The following DOK6 variants were observed in gnomAD, a reference collection of about 807,000 sequenced individuals.
DOK6 encodes the protein docking protein 6.
In DOK6, 22 loss-of-function variants were observed where a neutral mutation model predicts 44.0. That is an observed-to-expected ratio of 0.50 (90% CI 0.36 to 0.71). The LOEUF (loss-of-function observed/expected upper bound fraction) is 0.71. Among genes scored for constraint, DOK6 ranks in the 30% least tolerant of loss-of-function variants. The pLI is 0.00. For synonymous variants in DOK6, 166 were observed against 145.5 expected, an observed-to-expected ratio of 1.14 and a Z score of -1.01; for missense variants, 340 against 416.4, an observed-to-expected ratio of 0.82 and a Z score of 1.60.
At chr18:69,819,142 C>A (rs947504086) in intron 7 of DOK6, among the ~76,000 whole-genome samples, 4 of 152,140 alleles carry the variant, frequency 2.6e-5, no homozygotes, top group Non-Finnish European at 5.9e-5. Flanking sequence ...AGAGTAAACT[C>A]TTTTTCTATT....
At chr18:69,407,327 T>C (rs1442267863) in intron 1 of DOK6, among the ~76,000 whole-genome samples, 1 of 152,202 alleles carries the variant, frequency 6.6e-6, no homozygotes, top group African/African-American at 2.4e-5. Flanking sequence ...AAAGATAATC[T>C]CTAGATTCAC....
rs201544676 is a variant in DOK6, at chr18:69,841,361, A to C, written c.974A>C (p.Tyr325Ser). 3.7e-6 allele frequency: 6 copies of C among 1,614,064 alleles called. No individual in the cohort carries two copies. Among genetic ancestry groups the C allele is most frequent in the African/African-American group, 2.7e-5 (2 of 74,922 alleles). ...LSRSSSYGFSYSSSLIQ is the reference protein window; with the variant it reads ...LSRSSSYGFSSSSSLIQ The stretch of plus-strand genomic sequence containing the variant: ...CGGTCCAGCAGCTATGGATTCAGCT[A>C]CAGCTCCAGCCTCATCCAATGACAC... The change falls in exon 8 of 8, where the codon TAC becomes TCC. Residue 325 changes from tyrosine (Y) to serine (S), a missense_variant. Transcript: ENST00000382713.
At chr18:69,544,288 C>T (rs1982344792) in intron 1 of DOK6, among the ~76,000 whole-genome samples, 1 of 151,236 alleles carries the variant, frequency 6.6e-6, no homozygotes, top group South Asian at 2.1e-4. Flanking sequence ...AAAAACTTGT[C>T]CAGAAACTCA....
At chr18:69,694,246 TC>T (rs1353546187) in intron 4 of DOK6, among the ~76,000 whole-genome samples, 2 of 151,620 alleles carry the variant, frequency 1.3e-5, no homozygotes, top group African/African-American at 2.4e-5. Flanking sequence ...TCTATTCAAT[TC>T]GTCTAAGCCT....
At chr18:69,428,844 A>G (rs1245204992) in intron 1 of DOK6, among the ~76,000 whole-genome samples, 1 of 152,264 alleles carries the variant, frequency 6.6e-6, no homozygotes, top group African/African-American at 2.4e-5. Flanking sequence ...TATATTTTAC[A>G]TCAATGATGA....
intron 1 of DOK6, among the ~76,000 whole-genome samples, chr18:69,420,879 G>T (rs1446715567): frequency 6.6e-6 from 1 of 151,962 alleles, no homozygotes; most frequent in South Asian, 2.1e-4. Context: ...TAATTCTAAG[G>T]CTCCTATTTT....
At chr18:69,794,211 G>A (rs1310832113) in intron 7 of DOK6, among the ~76,000 whole-genome samples, 2 of 152,010 alleles carry the variant, frequency 1.3e-5, no homozygotes, top group African/African-American at 2.4e-5. Context: ...TCCCTCCCAA[G>A]CATCCCCAGT....
At chr18:69,731,153 C>T (rs1403867991) in intron 5 of DOK6, among the ~76,000 whole-genome samples, 2 of 151,910 alleles carry the variant, frequency 1.3e-5, no homozygotes, top group East Asian at 3.9e-4. Flanking sequence ...CTAGAGAAAA[C>T]TAACACAATA....
intron 7 of DOK6, among the ~76,000 whole-genome samples, chr18:69,771,273 A>G (rs1979879756): frequency 6.6e-6 from 1 of 152,002 alleles, no homozygotes; most frequent in African/African-American, 2.4e-5. Context: ...TCATATATGT[A>G]TTTATAAAAT....
In DOK6 at chr18:69,846,570, A is replaced by G. The variant is rs1182788336; in HGVS notation, c.*5187A>G. The G allele has an allele frequency of 6.6e-6, 1 of 152,206 alleles. No homozygotes were observed. Among genetic ancestry groups the G allele is most frequent in the African/African-American group, 2.4e-5 (1 of 41,464 alleles). 9.4% of individuals were successfully genotyped at this position (152,206 alleles called of 1,614,324 possible). A position where few individuals can be genotyped will look rare whatever the true frequency, so the allele number is the denominator to read the frequency against. ...TTCTGGTAGGTCATGAATGGTTGGTATAAGCTTTATTTACTCATATATTGT... is the reference window on the plus strand; with the variant it reads ...TTCTGGTAGGTCATGAATGGTTGGTGTAAGCTTTATTTACTCATATATTGT... On this transcript the variant is annotated 3_prime_UTR_variant, in exon 8 of 8. Transcript: ENST00000382713.
intron 2 of DOK6, among the ~76,000 whole-genome samples, chr18:69,584,584 G>A (rs1336213347): frequency 2.6e-5 from 4 of 151,944 alleles, no homozygotes; most frequent in South Asian, 2.1e-4. Context: ...GAGCCACCGC[G>A]CCCAGACCAT....
At chr18:69,486,107 T>C (rs1980570799) in intron 1 of DOK6, among the ~76,000 whole-genome samples, 1 of 151,926 alleles carries the variant, frequency 6.6e-6, no homozygotes, top group Non-Finnish European at 1.5e-5. Flanking sequence ...GTTCCTTTTT[T>C]AATATATAAT....
intron 3 of DOK6, among the ~76,000 whole-genome samples, chr18:69,605,804 C>A (rs1741876036): frequency 6.6e-6 from 1 of 152,130 alleles, no homozygotes; most frequent in Non-Finnish European, 1.5e-5. Context: ...AAAACTGATG[C>A]TTTCTCCATA....
intron 1 of DOK6, among the ~76,000 whole-genome samples, chr18:69,404,921 C>G (rs1427439805): frequency 6.6e-6 from 1 of 151,874 alleles, no homozygotes; most frequent in African/African-American, 2.4e-5. Flanking sequence ...TTGTGTTAAG[C>G]CTGAATTAGT....
At chr18:69,604,734 G>T (rs895791866) in intron 3 of DOK6, among the ~76,000 whole-genome samples, 3 of 152,086 alleles carry the variant, frequency 2.0e-5, no homozygotes, top group African/African-American at 7.2e-5. Context: ...ATTATTTTTA[G>T]ATAAATGTTA....
chr18:69,689,952 T>C (rs1204603500), intron 4 of DOK6, among the ~76,000 whole-genome samples: 1 of 152,130 alleles, frequency 6.6e-6, no homozygotes, highest in African/African-American at 2.4e-5. Flanking sequence ...GTAAGTGGAA[T>C]ATATAGGTTA....
intron 5 of DOK6, among the ~76,000 whole-genome samples, chr18:69,716,077 G>A (rs183108299): frequency 9.5e-4 from 144 of 152,228 alleles, no homozygotes; most frequent in African/African-American, 3.1e-3. Context: ...TAGCAGCTGC[G>A]TCCCAGATCT....
chr18:69,522,914 G>A (rs1981727901), intron 1 of DOK6, among the ~76,000 whole-genome samples: 1 of 152,060 alleles, frequency 6.6e-6, no homozygotes, highest in African/African-American at 2.4e-5. Context: ...AGGTTCTAGA[G>A]ATCAAAGTGT....
At chr18:69,749,774 T>C (rs1599304154) in intron 6 of DOK6, among the ~76,000 whole-genome samples, 1 of 151,478 alleles carries the variant, frequency 6.6e-6, no homozygotes, top group Non-Finnish European at 1.5e-5. Context: ...CCCTGTCTCT[T>C]CTAAAAATAC....
Sources: gnomAD v4.1 joint callset for allele counts (sites outside exome capture counted in the v4.1 genomes callset) on GRCh38, gnomAD v4.1.1 for gene constraint, MANE v1.5 for transcripts, NCBI Gene and HGNC (gene_info 2026-07-23, HGNC 2026-07-21) for gene names.